The following MACROD2 variants were observed in gnomAD, a reference collection of about 807,000 sequenced individuals.
MACROD2 encodes the protein ADP-ribose glycohydrolase MACROD2.
MACROD2 carries 36 observed loss-of-function variants against 70.4 expected under a neutral mutation model. That is an observed-to-expected ratio of 0.51 (90% confidence interval 0.39 to 0.68). MACROD2 has a LOEUF of 0.68. Ranked by LOEUF, MACROD2 falls within the 30% of genes least tolerant of loss-of-function variation. The probability of loss-of-function intolerance (pLI) is 0.00; values close to 1 mark genes in which losing one functional copy is unlikely to be tolerated. For synonymous variants in MACROD2, 172 were observed against 178.8 expected (o/e 0.96, Z 0.30); for missense variants, 496 against 538.4 (o/e 0.92, Z 0.78).
intron 4 of MACROD2, among the ~76,000 whole-genome samples, chr20:14,588,420 A>G (rs1339297148): frequency 1.3e-5 from 2 of 152,108 alleles, no homozygotes; most frequent in African/African-American, 4.8e-5. Context: ...TTTTACCTAT[A>G]TTTTTAAAGG....
intron 8 of MACROD2, among the ~76,000 whole-genome samples, chr20:15,587,827 C>G (rs956435644): frequency 2.6e-5 from 4 of 152,230 alleles, no homozygotes; most frequent in Admixed American, 2.6e-4. Flanking sequence ...AGGGTACAGT[C>G]TCCCTCCTGG....
intron 6 of MACROD2, among the ~76,000 whole-genome samples, chr20:15,282,436 C>G (rs1330283518): frequency 6.6e-6 from 1 of 152,176 alleles, no homozygotes; most frequent in Non-Finnish European, 1.5e-5. Context: ...ATGCATAAAA[C>G]TGAATGCTTT....
intron 5 of MACROD2, among the ~76,000 whole-genome samples, chr20:15,094,001 G>A (rs933389832): frequency 3.3e-5 from 5 of 152,296 alleles, no homozygotes; most frequent in African/African-American, 9.6e-5. Context: ...TCCATTGAAG[G>A]GTTGGTCAAA....
At chr20:14,503,836 T>A (rs141664710) in intron 4 of MACROD2, among the ~76,000 whole-genome samples, 2 of 152,318 alleles carry the variant, frequency 1.3e-5, no homozygotes, top group East Asian at 3.9e-4. Context: ...CCAAAAAGAC[T>A]TTTACAAAGC....
intron 8 of MACROD2, among the ~76,000 whole-genome samples, chr20:15,554,494 A>G (rs746164146): frequency 2.0e-5 from 3 of 151,752 alleles, no homozygotes; most frequent in Non-Finnish European, 4.4e-5. Context: ...CCATCAAATA[A>G]GTTTCATATT....
chr20:14,932,738 T>C (rs2074306867), intron 5 of MACROD2, among the ~76,000 whole-genome samples: 1 of 152,054 alleles, frequency 6.6e-6, no homozygotes, highest in South Asian at 2.1e-4. Flanking sequence ...TGGCTAATTT[T>C]TGTATTTTTA....
At chr20:14,868,732 A>G (rs931184228) in intron 5 of MACROD2, among the ~76,000 whole-genome samples, 1 of 152,144 alleles carries the variant, frequency 6.6e-6, no homozygotes, top group East Asian at 1.9e-4. Context: ...TACAGATCAC[A>G]TTCTGATAGC....
At chr20:15,101,533 T>TTAAAAAAAAA (rs1568573864) in intron 5 of MACROD2, among the ~76,000 whole-genome samples, 1 of 7,504 alleles carries the variant, frequency 1.3e-4, no homozygotes. Flanking sequence ...AGGTGTTGGT[T>TTAAAAAAAAA]CAAAAAAAAA....
intron 6 of MACROD2, among the ~76,000 whole-genome samples, chr20:15,368,726 A>AG (rs1432919283): frequency 6.6e-6 from 1 of 152,120 alleles, no homozygotes; most frequent in African/African-American, 2.4e-5. Flanking sequence ...TCCTCCCAAA[A>AG]TGCTGGGATT....
At chr20:14,954,906 ATT>A (rs1430145929) in intron 5 of MACROD2, among the ~76,000 whole-genome samples, 2 of 31,502 alleles carry the variant, frequency 6.3e-5, no homozygotes, top group Non-Finnish European at 1.2e-4. Context: ...TATAATTTAT[ATT>A]TTATATAATT....
chr20:15,620,028 TG>T (rs1272670331), intron 8 of MACROD2, among the ~76,000 whole-genome samples: 1 of 152,058 alleles, frequency 6.6e-6, no homozygotes, highest in East Asian at 1.9e-4. Context: ...GCAGGGAGGC[TG>T]GTAGGAGACT....
chr20:14,758,606 G>GCACT (rs1446150691), intron 5 of MACROD2, among the ~76,000 whole-genome samples: 6 of 152,116 alleles, frequency 3.9e-5, no homozygotes, highest in Non-Finnish European at 7.4e-5. Flanking sequence ...GGGGACCCAT[G>GCACT]CACTGTACAG....
chr20:15,406,845 T>C (rs926695100), intron 6 of MACROD2, among the ~76,000 whole-genome samples: 2 of 152,194 alleles, frequency 1.3e-5, no homozygotes, highest in East Asian at 3.9e-4. Flanking sequence ...GGCCCTCTTA[T>C]AAATCATGCG....
intron 8 of MACROD2, among the ~76,000 whole-genome samples, chr20:15,815,064 A>G (rs1205182950): frequency 5.9e-5 from 9 of 152,196 alleles, no homozygotes. Flanking sequence ...ATCTGGGAAT[A>G]ATTTATCATA....
Position 14,942,424 on chromosome 20 carries a change from C to G in MACROD2, c.418+257465C>G, listed in dbSNP as rs895103247. Among the ~76,000 whole-genome samples, 5 of 151,414 alleles carry G rather than the reference C, an allele frequency of 3.3e-5. 1 individual carries two copies. In the South Asian group the frequency reaches 1.0e-3, roughly 32 times the overall value. ...CTTCTTCTTCTCCTCTTCCTCCTTT[C>G]TCCTCCTCCTCTTCCTCCTTTCTCC... On this transcript the variant is annotated intron_variant, in intron 5 of 17. Transcript: ENST00000684519.
At chr20:14,561,106 G>A (rs1336065309) in intron 4 of MACROD2, among the ~76,000 whole-genome samples, 1 of 151,838 alleles carries the variant, frequency 6.6e-6, no homozygotes, top group African/African-American at 2.4e-5. Flanking sequence ...GACTTATGGT[G>A]TGGTGGTGTC....
intron 8 of MACROD2, among the ~76,000 whole-genome samples, chr20:15,511,703 G>T (rs1011395295): frequency 6.6e-6 from 1 of 152,134 alleles, no homozygotes; most frequent in Non-Finnish European, 1.5e-5. Flanking sequence ...CCTTAGGCTG[G>T]GCGGCTTCTT....
intron 5 of MACROD2, among the ~76,000 whole-genome samples, chr20:15,124,824 A>G (rs2076055342): frequency 6.6e-6 from 1 of 151,842 alleles, no homozygotes; most frequent in South Asian, 2.1e-4. Context: ...CTTCTAGGAG[A>G]GAAGTGTCCT....
intron 3 of MACROD2, among the ~76,000 whole-genome samples, chr20:14,246,404 T>A (rs2081968568): frequency 6.6e-6 from 1 of 152,170 alleles, no homozygotes; most frequent in Admixed American, 6.5e-5. Context: ...TGCTTGACTC[T>A]CCGCCGAGGA....
Sources: gnomAD v4.1 joint callset for allele counts (sites outside exome capture counted in the v4.1 genomes callset) on GRCh38, gnomAD v4.1.1 for gene constraint, MANE v1.5 for transcripts, NCBI Gene and HGNC (gene_info 2026-07-23, HGNC 2026-07-21) for gene names.